FAAH2: variants seen among roughly 807,000 people sequenced by gnomAD.
FAAH2 encodes the protein fatty acid amide hydrolase 2, also known as fatty-acid amide hydrolase 2.
In FAAH2, 60 loss-of-function variants were observed where a neutral mutation model predicts 36.9. That is an observed-to-expected ratio of 1.63 (90% CI 1.32 to 2.02). The LOEUF (loss-of-function observed/expected upper bound fraction) is 2.02. Ranked by LOEUF, FAAH2 falls within the 30% of genes most tolerant of loss-of-function variation. FAAH2 has a pLI of 0.00. For missense variants in FAAH2, 689 were observed against 397.5 expected (o/e 1.73, Z -6.23); for synonymous variants, 214 against 143.8 (o/e 1.49, Z -3.49).
intron 5 of FAAH2, among the ~76,000 whole-genome samples, chrX:57,345,611 T>C (rs1233585037): frequency 9.0e-6 from 1 of 111,430 alleles, no homozygotes; most frequent in Non-Finnish European, 1.9e-5. Flanking sequence ...TATGAACTTT[T>C]GCATGTCAAT....
rs191468434 is a variant in FAAH2 at position 57,289,420 on chromosome X, C to T, written c.192+2403C>T. ...AGTTGGTATCCAAGGTTGGGCCTTG[C>T]CAAAAATACATCAACTTATGGCCAC... On this transcript the variant is annotated intron_variant, in intron 1 of 10. Transcript: ENST00000374900. 1.1e-3 allele frequency among the ~76,000 whole-genome samples: 123 copies of T among 110,980 alleles called. 1 individual carries two copies. The highest frequency in any genetic ancestry group is 2.4e-3 in the Admixed American group (25 of 10,358).
At chrX:57,193,992 T>G in the FAAH2 span, among the ~76,000 whole-genome samples, 20 of 112,017 alleles carry the variant, frequency 1.8e-4, no homozygotes, top group Admixed American at 1.7e-3. Flanking sequence ...TGTGTTTTTT[T>G]AAATGTGTCT....
At position 57,380,925 on chromosome X, in the gene FAAH2, A is replaced by G. The variant is rs775947116; in HGVS notation, c.892A>G (p.Thr298Ala). 1 of 1,182,446 alleles carries G rather than the reference A, an allele frequency of 8.5e-7. No individual in the cohort carries two copies. Among genetic ancestry groups the G allele is most frequent in the Non-Finnish European group, 1.1e-6 (1 of 876,744 alleles). The change falls in exon 7 of 11, where the codon ACA becomes GCA. Residue 298 changes from threonine to alanine, a missense_variant. Thr to Ala is a moderately conservative substitution (Grantham distance 58, BLOSUM62 0). Coordinates refer to ENST00000374900, the MANE Select transcript of FAAH2 (RefSeq NM_174912.4). ...GPGIKRLKLD[T>A]KVHLKDLKFY... Reference sequence around the variant, plus strand: ...AATCCTACACAGGTTAAAACTAGACACAAAGGTACATTTAAAAGACTTAAA... The same window carrying G: ...AATCCTACACAGGTTAAAACTAGACGCAAAGGTACATTTAAAAGACTTAAA...
the FAAH2 span, among the ~76,000 whole-genome samples, chrX:57,174,224 G>C: frequency 1.0e-5 from 1 of 100,044 alleles, no homozygotes; most frequent in African/African-American, 3.6e-5. Context: ...TTTTTTTTTT[G>C]TTCTTGGCAG....
the FAAH2 span, among the ~76,000 whole-genome samples, chrX:57,248,044 A>G: frequency 0.45 from 50,472 of 111,201 alleles, 11,438 homozygotes; most frequent in African/African-American, 0.89. Flanking sequence ...CACTCTTCCA[A>G]ATAATCCAAA....
rs1388626641 is a variant in FAAH2, at chrX:57,352,101, T to TACAC, written c.742+10712_742+10713insCACA. 6.9e-4 allele frequency among the ~76,000 whole-genome samples: 33 copies of TACAC among 47,736 alleles called. 5 individuals are homozygous for TACAC. The highest frequency in any genetic ancestry group is 1.1e-3 in the Non-Finnish European group (32 of 29,942). The allele number at this position is 47,736 out of a possible 115,157, so 41.5% of individuals were successfully genotyped here. On this transcript the variant is annotated intron_variant, in intron 5 of 10. Transcript: ENST00000374900. The stretch of plus-strand genomic sequence containing the variant: ...ATATGTGTATATATATGCACATATA[T>TACAC]ATATATGTGTATATATATGCACATA...
intron 10 of FAAH2, among the ~76,000 whole-genome samples, chrX:57,464,595 C>T: frequency 9.5e-6 from 1 of 105,089 alleles, no homozygotes; most frequent in East Asian, 2.9e-4. Flanking sequence ...AATAAATTAC[C>T]AATAGAATCA....
the FAAH2 span, among the ~76,000 whole-genome samples, chrX:57,158,755 G>C: frequency 2.7e-5 from 3 of 111,948 alleles, no homozygotes; most frequent in Non-Finnish European, 3.8e-5. Flanking sequence ...CCCTTTGTCA[G>C]ATGAGTAGAT....
At chrX:57,369,921 C>A (rs963010268) in intron 5 of FAAH2, among the ~76,000 whole-genome samples, 3 of 111,723 alleles carry the variant, frequency 2.7e-5, no homozygotes, top group African/African-American at 9.7e-5. Flanking sequence ...TTAAAACATG[C>A]AAATGGAGAT....
intron 7 of FAAH2, among the ~76,000 whole-genome samples, chrX:57,396,981 G>A (rs758631259): frequency 1.8e-5 from 2 of 111,637 alleles, no homozygotes; most frequent in South Asian, 7.5e-4. Context: ...CTTAGGTCTA[G>A]TCATATTTGT....
chrX:57,460,319 T>TA (rs2056935696), intron 10 of FAAH2, among the ~76,000 whole-genome samples: 1 of 110,754 alleles, frequency 9.0e-6, no homozygotes, highest in South Asian at 3.9e-4. Context: ...ACCACTAAGG[T>TA]ACTCCTCAAG....
intron 8 of FAAH2, among the ~76,000 whole-genome samples, chrX:57,440,109 TTAGAG>T (rs2056515762): frequency 9.0e-6 from 1 of 111,455 alleles, no homozygotes. Context: ...ACATATGAAC[TTAGAG>T]TAGTTTTTTC....
intron 7 of FAAH2, among the ~76,000 whole-genome samples, chrX:57,402,969 G>C (rs2055475436): frequency 8.9e-6 from 1 of 112,177 alleles, no homozygotes; most frequent in Non-Finnish European, 1.9e-5. Context: ...TATGGGGTTA[G>C]TGTCTGATCT....
the FAAH2 span, among the ~76,000 whole-genome samples, chrX:57,189,858 A>C: frequency 8.9e-6 from 1 of 112,178 alleles, no homozygotes; most frequent in African/African-American, 3.2e-5. Context: ...GTCAGGAGGC[A>C]TTGGTGTCAG....
the FAAH2 span, among the ~76,000 whole-genome samples, chrX:57,188,289 G>A: frequency 9.0e-6 from 1 of 111,029 alleles, no homozygotes; most frequent in African/African-American, 3.3e-5. Context: ...TTTAGTCTTG[G>A]GAGGGTGTAT....
At chrX:57,251,269 G>C in the FAAH2 span, among the ~76,000 whole-genome samples, 2 of 112,078 alleles carry the variant, frequency 1.8e-5, no homozygotes, top group African/African-American at 3.2e-5. Flanking sequence ...TATCTTAATA[G>C]ATGCAGTGAA....
intron 7 of FAAH2, chrX:57,392,614 T>C (rs763746727): frequency 3.8e-6 from 3 of 788,639 alleles, no homozygotes; most frequent in Admixed American, 4.5e-5. Flanking sequence ...ATTTTCAAAG[T>C]AGCTTCTTGA....
At chrX:57,487,341 G>A (rs1185968916) in intron 10 of FAAH2, among the ~76,000 whole-genome samples, 2 of 109,367 alleles carry the variant, frequency 1.8e-5, no homozygotes, top group African/African-American at 6.6e-5. Context: ...AAGTAAAAAG[G>A]AAAGACACTG....
chrX:57,376,311 G>T (rs999393198), intron 5 of FAAH2, among the ~76,000 whole-genome samples: 18 of 110,575 alleles, frequency 1.6e-4, no homozygotes, highest in Non-Finnish European at 3.4e-4. Context: ...AGGTGTATAC[G>T]TGCCATGGTG....
Sources: allele counts gnomAD v4.1 joint callset (sites outside exome capture counted in the v4.1 genomes callset), GRCh38; gene constraint gnomAD v4.1.1; transcripts MANE v1.5; gene names NCBI Gene and HGNC (gene_info 2026-07-23, HGNC 2026-07-21).